DHDDS: variants seen among roughly 807,000 people sequenced by gnomAD.
DHDDS encodes the protein dehydrodolichyl diphosphate synthase subunit.
A neutral mutation model predicts 46.2 loss-of-function variants in DHDDS; 16 were observed. That is an observed-to-expected ratio of 0.35 (90% CI 0.23 to 0.53). DHDDS has a LOEUF of 0.53. DHDDS is among the 20% of genes least tolerant of loss of function. DHDDS has a pLI of 0.94. For missense variants in DHDDS, 340 were observed against 423.7 expected, an observed-to-expected ratio of 0.80 and a Z score of 1.73; for synonymous variants, 151 against 163.1, an observed-to-expected ratio of 0.93 and a Z score of 0.56.
chr1:26,436,336 G>A (rs1169781381), intron 2 of DHDDS, among the ~76,000 whole-genome samples: 1 of 152,082 alleles, frequency 6.6e-6, no homozygotes, highest in Non-Finnish European at 1.5e-5. Flanking sequence ...AAAGGTGGAG[G>A]TTGCAAATGA....
chr1:26,461,741 C>G (rs939799166), intron 8 of DHDDS, among the ~76,000 whole-genome samples: 1 of 152,192 alleles, frequency 6.6e-6, no homozygotes, highest in Non-Finnish European at 1.5e-5. Context: ...CCCTGAATCC[C>G]AAGTCCATAA....
At chr1:26,456,077 T>C (rs2075367630) in intron 6 of DHDDS, among the ~76,000 whole-genome samples, 1 of 152,230 alleles carries the variant, frequency 6.6e-6, no homozygotes. Flanking sequence ...TCTATCTCCT[T>C]TCTGACCATC....
chr1:26,443,578 G>A (rs536324715), intron 4 of DHDDS, among the ~76,000 whole-genome samples: 2 of 152,152 alleles, frequency 1.3e-5, no homozygotes, highest in Non-Finnish European at 2.9e-5. Context: ...AGAATTGCCC[G>A]AAAGTCTTAG....
chr1:26,439,289 A>G (rs995084700), intron 3 of DHDDS, among the ~76,000 whole-genome samples: 3 of 152,148 alleles, frequency 2.0e-5, no homozygotes, highest in Non-Finnish European at 2.9e-5. Flanking sequence ...GTATCTTTCA[A>G]TGACTGTAGA....
At chr1:26,445,470 T>C (rs1557438850) in intron 4 of DHDDS, among the ~76,000 whole-genome samples, 1 of 152,208 alleles carries the variant, frequency 6.6e-6, no homozygotes, top group Non-Finnish European at 1.5e-5. Context: ...CCTAGCACTT[T>C]GGGAGGCTCA....
At chr1:26,447,122 C>T (rs1570343756) in intron 5 of DHDDS, among the ~76,000 whole-genome samples, 2 of 152,266 alleles carry the variant, frequency 1.3e-5, no homozygotes, top group East Asian at 3.9e-4. Context: ...GAGTTCAAGA[C>T]TAGCCTGGCC....
intron 4 of DHDDS, among the ~76,000 whole-genome samples, chr1:26,445,504 G>GTT (rs2075259816): frequency 1.3e-5 from 2 of 152,196 alleles, no homozygotes; most frequent in Non-Finnish European, 1.5e-5. Context: ...CTTGAGGCCA[G>GTT]GAGTTTGAGA....
chr1:26,468,808 T>TGGGCCCCCCA, intron 8 of DHDDS, 87 bp from the exon 9 acceptor site: 1 of 370,942 alleles, frequency 2.7e-6, no homozygotes, highest in Non-Finnish European at 4.6e-6. Flanking sequence ...TGGCCCACCC[T>TGGGCCCCCCA]GTGCCCCACC....
At chr1:26,432,667 G>A in intron 1 of DHDDS, 1 of 493,552 alleles carries the variant, frequency 2.0e-6, no homozygotes, top group Admixed American at 3.3e-5. Context: ...GAGGAAATGG[G>A]AATGGGAAGA....
At chr1:26,435,287 G>A (rs2075142695) in intron 2 of DHDDS, among the ~76,000 whole-genome samples, 2 of 152,104 alleles carry the variant, frequency 1.3e-5, no homozygotes, top group African/African-American at 4.8e-5. Context: ...TGGGATTACA[G>A]GCATGAGCCA....
At chr1:26,435,460 C>G (rs1448660018) in intron 2 of DHDDS, among the ~76,000 whole-genome samples, 5 of 95,924 alleles carry the variant, frequency 5.2e-5, no homozygotes, top group Non-Finnish European at 9.4e-5. Context: ...TTTTTTGAGA[C>G]AGAGTCTTAC....
At chr1:26,446,163 T>A (rs1345307860) in intron 4 of DHDDS, among the ~76,000 whole-genome samples, 153 bp from the exon 5 acceptor site, 1 of 152,204 alleles carries the variant, frequency 6.6e-6, no homozygotes, top group Non-Finnish European at 1.5e-5. Context: ...CTTTCAGAGT[T>A]GTTGAAGGGA....
chr1:26,454,993 A>G, intron 6 of DHDDS: 1 of 1,505,708 alleles, frequency 6.6e-7, no homozygotes, highest in Non-Finnish European at 9.2e-7. Flanking sequence ...TGCCAGCTCC[A>G]CCATTGTAAC....
At chr1:26,455,284 A>G (rs1198800935) in intron 6 of DHDDS, 1 of 559,280 alleles carries the variant, frequency 1.8e-6, no homozygotes, top group Non-Finnish European at 3.2e-6. Context: ...AGAGTCTCAC[A>G]TAACTTGGAG....
Position 26,432,944 on chromosome 1 carries a change from C to A in DHDDS, c.-2C>A. On this transcript the variant is annotated 5_prime_UTR_variant, in exon 2 of 9. Coordinates refer to ENST00000236342, the MANE Select transcript of DHDDS (RefSeq NM_205861.3). ...GAGTGATCTTCTGACTGGAAAAGAA[C>A]TATGTCATGGATCAAGGAAGGAGAG... is the stretch of plus-strand genomic sequence containing the variant. 2.5e-6 allele frequency: 4 copies of A among 1,614,174 alleles called. No homozygotes were observed. The highest frequency in any genetic ancestry group is 3.4e-6 in the Non-Finnish European group (4 of 1,180,030).
chr1:26,442,778 C>T lies in DHDDS; in HGVS notation c.228C>T (p.Tyr76=), dbSNP rs566029202. The part of the protein sequence containing the change: ...LNLGILEVTV[Y]AFSIENFKRS... ...TGGGCATCCTAGAGGTGACAGTCTA[C>T]GCATTCAGCATTGAGAACTTCAAAC... Residue 76 remains tyrosine, a synonymous_variant, in exon 4 of 9, where the codon TAC becomes TAT. Transcript: ENST00000236342. The T allele has an allele frequency of 1.8e-5, 29 of 1,614,144 alleles. No homozygotes were observed. Among genetic ancestry groups the T allele is most frequent in the East Asian group, 6.7e-5 (3 of 44,884 alleles).
chr1:26,440,620 G>A (rs1436359261), intron 3 of DHDDS, among the ~76,000 whole-genome samples: 1 of 152,208 alleles, frequency 6.6e-6, no homozygotes, highest in Non-Finnish European at 1.5e-5. Flanking sequence ...GTCAGTGGTG[G>A]GTTCCAACCC....
chr1:26,460,504 C>A (rs1165440281), intron 8 of DHDDS, among the ~76,000 whole-genome samples: 1 of 152,188 alleles, frequency 6.6e-6, no homozygotes, highest in Non-Finnish European at 1.5e-5. Flanking sequence ...CTCAGAGAAA[C>A]TGGCCATTAT....
chr1:26,458,871 C>T (rs2124495448), intron 7 of DHDDS, among the ~76,000 whole-genome samples: 1 of 152,000 alleles, frequency 6.6e-6, no homozygotes, highest in African/African-American at 2.4e-5. Flanking sequence ...GAGTCAGTTA[C>T]TCAGTGTACA....
Sources: gnomAD v4.1 joint callset for allele counts (sites outside exome capture counted in the v4.1 genomes callset) on GRCh38, gnomAD v4.1.1 for gene constraint, MANE v1.5 for transcripts, NCBI Gene and HGNC (gene_info 2026-07-23, HGNC 2026-07-21) for gene names.